KDM6A: variants seen among roughly 807,000 people sequenced by gnomAD.
The protein encoded by KDM6A is lysine demethylase 6A.
In KDM6A, 11 loss-of-function variants were observed where a neutral mutation model predicts 117.6. The ratio of observed to expected loss-of-function variants is 0.09; its 90% CI spans 0.06 to 0.15. The LOEUF is 0.15. KDM6A is among the 10% of genes least tolerant of loss of function. The pLI is 1.00. For synonymous variants in KDM6A, 384 were observed against 396.1 expected (o/e 0.97, Z 0.36); for missense variants, 799 against 1,077.3 (o/e 0.74, Z 3.62).
chrX:45,068,997 A>G (rs1044108804), intron 17 of KDM6A, among the ~76,000 whole-genome samples: 1 of 110,726 alleles, frequency 9.0e-6, no homozygotes, highest in African/African-American at 3.3e-5. Flanking sequence ...CACCAAGCCT[A>G]TCTAGTCTTC....
At chrX:44,898,933 G>A (rs2034108534) in intron 2 of KDM6A, among the ~76,000 whole-genome samples, 1 of 105,275 alleles carries the variant, frequency 9.5e-6, no homozygotes, top group African/African-American at 3.5e-5. Context: ...CTGCTTGGTG[G>A]TGGTGGTGGG....
chrX:45,015,327 C>A (rs1387546779), intron 5 of KDM6A, among the ~76,000 whole-genome samples: 1 of 110,527 alleles, frequency 9.0e-6, no homozygotes, highest in Non-Finnish European at 1.9e-5. Context: ...GTTGCCCAGG[C>A]TGGTCTTGAA....
intron 7 of KDM6A, 128 bp from the exon 8 acceptor site, chrX:45,037,527 T>G: frequency 4.0e-6 from 2 of 501,944 alleles, no homozygotes; most frequent in South Asian, 7.0e-5. Flanking sequence ...AAAAGTTATG[T>G]TTTTCTATTA....
intron 2 of KDM6A, among the ~76,000 whole-genome samples, chrX:44,950,984 C>CT (rs2037967187): frequency 9.0e-6 from 1 of 110,543 alleles, no homozygotes; most frequent in Non-Finnish European, 1.9e-5. Flanking sequence ...ACCTCTTCCC[C>CT]TTTCCTCTCC....
At chrX:45,084,139 C>T (rs775756684) in intron 24 of KDM6A, among the ~76,000 whole-genome samples, 1 of 111,976 alleles carries the variant, frequency 8.9e-6, no homozygotes, top group Admixed American at 9.5e-5. Flanking sequence ...CATTACTAGA[C>T]TCATTCTAAT....
At chrX:44,898,105 AG>A (rs1217849178) in intron 2 of KDM6A, among the ~76,000 whole-genome samples, 2 of 111,582 alleles carry the variant, frequency 1.8e-5, no homozygotes, top group Non-Finnish European at 3.8e-5. Context: ...GCCTCTGAGT[AG>A]GGGTATAAGA....
At chrX:44,982,008 G>A (rs113497461) in intron 4 of KDM6A, among the ~76,000 whole-genome samples, 4 of 111,998 alleles carry the variant, frequency 3.6e-5, no homozygotes, top group African/African-American at 1.3e-4. Context: ...GCTTGAACCC[G>A]GGAGGCAGAG....
chrX:44,890,470 C>T (rs1035768447), intron 2 of KDM6A, among the ~76,000 whole-genome samples: 3 of 110,538 alleles, frequency 2.7e-5, no homozygotes, highest in South Asian at 3.8e-4. Flanking sequence ...AACTGTTTCC[C>T]GGAGCTGCTC....
intron 8 of KDM6A, among the ~76,000 whole-genome samples, chrX:45,041,696 C>T (rs1200557346): frequency 9.2e-6 from 1 of 108,898 alleles, no homozygotes; most frequent in Non-Finnish European, 1.9e-5. Flanking sequence ...GATGGGATGG[C>T]GGCGGGGAAG....
chrX:45,048,853 C>T, intron 8 of KDM6A, among the ~76,000 whole-genome samples: 1 of 105,780 alleles, frequency 9.5e-6, no homozygotes, highest in African/African-American at 3.9e-5. Flanking sequence ...AGAGGCAAAA[C>T]TTCTACTCAA....
chrX:44,911,153 C>T (rs1465694122), intron 2 of KDM6A, among the ~76,000 whole-genome samples: 54 of 105,683 alleles, frequency 5.1e-4, no homozygotes, highest in African/African-American at 1.7e-3. Flanking sequence ...CCGGACGGGG[C>T]GGCTGGCCGG....
chrX:45,107,586 C>T (rs1304599840), intron 28 of KDM6A, 50 bp downstream of exon 28: 2 of 1,169,698 alleles, frequency 1.7e-6, no homozygotes, highest in Middle Eastern at 2.4e-4. Context: ...TCTTCCCTCT[C>T]CACTGTTGGT....
chrX:44,964,187 C>T (rs1004948856), intron 3 of KDM6A, among the ~76,000 whole-genome samples: 3 of 108,761 alleles, frequency 2.8e-5, no homozygotes, highest in Non-Finnish European at 3.8e-5. Flanking sequence ...CGGTGGCTCA[C>T]GCCTGTAATC....
intron 2 of KDM6A, among the ~76,000 whole-genome samples, chrX:44,934,272 G>A (rs1167628271): frequency 8.9e-6 from 1 of 111,906 alleles, no homozygotes; most frequent in Non-Finnish European, 1.9e-5. Flanking sequence ...ATTGACTAGT[G>A]TCGAGCTCTG....
In KDM6A at chrX:44,920,953, C is replaced by T. The variant is rs775924871; in HGVS notation, c.226-40331C>T. 8.7e-5 allele frequency among the ~76,000 whole-genome samples: 9 copies of T among 103,201 alleles called. No individual in the cohort carries two copies. In the South Asian group the frequency reaches 3.6e-3, roughly 42 times the overall value. 89.6% of individuals were successfully genotyped at this position (103,201 alleles called of 115,157 possible). On this transcript the variant is annotated intron_variant, in intron 2 of 29. Coordinates refer to ENST00000611820, the MANE Select transcript of KDM6A (RefSeq NM_001291415.2). ...GCAGTGGTGTGATTTCGGCTCGCTGCAACCTCCGCCTCTCGGGTTCAAGCA... is the reference window on the plus strand; with the variant it reads ...GCAGTGGTGTGATTTCGGCTCGCTGTAACCTCCGCCTCTCGGGTTCAAGCA...
intron 18 of KDM6A, among the ~76,000 whole-genome samples, chrX:45,071,587 G>T (rs781544209): frequency 9.0e-6 from 1 of 111,060 alleles, no homozygotes; most frequent in South Asian, 3.8e-4. Flanking sequence ...GAGGGATGTG[G>T]GGTAGGAGCA....
chrX:44,987,817 C>T (rs1340161821), intron 4 of KDM6A, among the ~76,000 whole-genome samples: 1 of 111,388 alleles, frequency 9.0e-6, no homozygotes, highest in Non-Finnish European at 1.9e-5. Flanking sequence ...GTAACCCGAC[C>T]TTTCTCTCTG....
At position 44,961,375 on chromosome X, in the gene KDM6A, TG is replaced by T; in HGVS notation, c.319del (p.Glu107LysfsTer73). ...FCQLGHFNLL[L>X]EDYPKALSAY... is the part of the protein sequence containing the mutation. Reference sequence around the variant, plus strand: ...CAATTAGGTCACTTCAACCTCTTATTGGAAGATTATCCAAAAGGTAATTTTT... The same window carrying T: ...CAATTAGGTCACTTCAACCTCTTATTGAAGATTATCCAAAAGGTAATTTTT... On this transcript the variant is annotated frameshift_variant, in exon 3 of 30. Coordinates refer to ENST00000611820, the MANE Select transcript of KDM6A (RefSeq NM_001291415.2). LOFTEE classifies it high-confidence loss of function. 1 of 1,157,548 alleles carries T rather than the reference TG, an allele frequency of 8.6e-7. No individual in the cohort carries two copies. The highest frequency in any genetic ancestry group is 2.2e-5 in the Admixed American group (1 of 45,785).
At chrX:45,025,346 A>G (rs1479811687) in intron 6 of KDM6A, among the ~76,000 whole-genome samples, 1 of 111,593 alleles carries the variant, frequency 9.0e-6, no homozygotes, top group East Asian at 2.8e-4. Flanking sequence ...TATTTTTAGT[A>G]GAGACGGGGT....
Sources: gnomAD v4.1 joint callset for allele counts (sites outside exome capture counted in the v4.1 genomes callset) on GRCh38, gnomAD v4.1.1 for gene constraint, MANE v1.5 for transcripts, NCBI Gene and HGNC (gene_info 2026-07-23, HGNC 2026-07-21) for gene names.